Variants in PDE4B observed in about 807,000 individuals in gnomAD.
PDE4B encodes the protein 3',5'-cyclic-AMP phosphodiesterase 4B.
A neutral mutation model predicts 82.2 loss-of-function variants in PDE4B; 20 were observed. The observed-to-expected ratio is 0.24, with a 90% confidence interval of 0.17 to 0.35. The LOEUF (loss-of-function observed/expected upper bound fraction) is 0.35, where lower values mean the gene tolerates loss of function less well. Ranked by LOEUF, PDE4B falls within the 10% of genes least tolerant of loss-of-function variation. The probability of loss-of-function intolerance (pLI) is 1.00; values close to 1 mark genes in which losing one functional copy is unlikely to be tolerated. For missense variants in PDE4B, 655 were observed against 907.2 expected (o/e 0.72, Z 3.57); for synonymous variants, 320 against 318.9 (o/e 1.00, Z -0.04).
chr1:65,987,823 A>G (rs970659175), intron 3 of PDE4B, among the ~76,000 whole-genome samples: 1 of 152,182 alleles, frequency 6.6e-6, no homozygotes, highest in African/African-American at 2.4e-5. Context: ...CATGTTGGCC[A>G]GGCTAGTCCT....
At chr1:65,859,107 A>G (rs1344730637) in intron 1 of PDE4B, among the ~76,000 whole-genome samples, 2 of 152,142 alleles carry the variant, frequency 1.3e-5, no homozygotes, top group African/African-American at 2.4e-5. Flanking sequence ...AGTGCCTAGC[A>G]TTTCTCAAAC....
intron 3 of PDE4B, among the ~76,000 whole-genome samples, chr1:66,164,062 T>A (rs981850499): frequency 6.6e-6 from 1 of 152,226 alleles, no homozygotes; most frequent in Non-Finnish European, 1.5e-5. Flanking sequence ...CATTATTTCC[T>A]GATGTTACCC....
intron 1 of PDE4B, among the ~76,000 whole-genome samples, chr1:65,803,583 T>C (rs76922223): frequency 6.6e-6 from 1 of 152,214 alleles, no homozygotes; most frequent in African/African-American, 2.4e-5. Context: ...AGGCAATTTC[T>C]TGAATAATGC....
intron 1 of PDE4B, among the ~76,000 whole-genome samples, chr1:65,880,915 T>G (rs915832708): frequency 6.6e-6 from 1 of 152,118 alleles, no homozygotes; most frequent in Non-Finnish European, 1.5e-5. Flanking sequence ...TAGGCCACAG[T>G]GTTTGCAGAG....
chr1:66,073,243 T>C (rs935089177), intron 3 of PDE4B, among the ~76,000 whole-genome samples: 1 of 152,126 alleles, frequency 6.6e-6, no homozygotes, highest in African/African-American at 2.4e-5. Context: ...ACCTAGTACT[T>C]AAGAGCAATC....
intron 9 of PDE4B, among the ~76,000 whole-genome samples, chr1:66,358,380 A>C (rs570859043): frequency 1.7e-4 from 26 of 152,230 alleles, no homozygotes; most frequent in Admixed American, 9.2e-4. Context: ...TAAAAATAAA[A>C]TGTTTATTAA....
chr1:66,129,295 T>C (rs2101103685), intron 3 of PDE4B, among the ~76,000 whole-genome samples: 1 of 152,188 alleles, frequency 6.6e-6, no homozygotes, highest in East Asian at 1.9e-4. Context: ...TGGGTGGGGA[T>C]AGCATAATAG....
At chr1:66,196,658 A>G (rs1648321916) in intron 3 of PDE4B, among the ~76,000 whole-genome samples, 1 of 152,144 alleles carries the variant, frequency 6.6e-6, no homozygotes. Context: ...TGTCCTTTGT[A>G]GGGACATGGA....
intron 3 of PDE4B, among the ~76,000 whole-genome samples, chr1:66,219,583 C>T (rs568017686): frequency 1.3e-5 from 2 of 152,274 alleles, no homozygotes; most frequent in South Asian, 4.1e-4. Flanking sequence ...CCTTTGGATT[C>T]TGCACCATGT....
intron 3 of PDE4B, among the ~76,000 whole-genome samples, chr1:66,037,841 A>T (rs913825205): frequency 6.6e-6 from 1 of 152,182 alleles, no homozygotes; most frequent in African/African-American, 2.4e-5. Context: ...TCATTTTATA[A>T]AAGATTATGG....
chr1:65,879,490 T>G (rs1195044290), intron 1 of PDE4B, among the ~76,000 whole-genome samples: 2 of 152,082 alleles, frequency 1.3e-5, no homozygotes, highest in African/African-American at 2.4e-5. Context: ...AAGGTAAATA[T>G]GTATAAAATG....
chr1:66,346,774 C>G (rs1434293181), intron 8 of PDE4B, among the ~76,000 whole-genome samples: 1 of 152,164 alleles, frequency 6.6e-6, no homozygotes, highest in African/African-American at 2.4e-5. Context: ...GAGAAAGGTA[C>G]CATGAGCTCA....
chr1:65,799,342 G>C (rs1645668914), intron 1 of PDE4B, among the ~76,000 whole-genome samples: 1 of 152,114 alleles, frequency 6.6e-6, no homozygotes, highest in Non-Finnish European at 1.5e-5. Flanking sequence ...CTTCCTTTGA[G>C]AAGGCTTATT....
intron 7 of PDE4B, among the ~76,000 whole-genome samples, chr1:66,316,188 A>G (rs1304391392): frequency 6.6e-6 from 1 of 152,234 alleles, no homozygotes; most frequent in Non-Finnish European, 1.5e-5. Context: ...TGATTCAACA[A>G]TCTCAAAATG....
At chr1:65,890,622 A>G (rs1646842782) in intron 1 of PDE4B, among the ~76,000 whole-genome samples, 1 of 152,074 alleles carries the variant, frequency 6.6e-6, no homozygotes, top group South Asian at 2.1e-4. Context: ...GTCAGCTGCA[A>G]TCAGAGTTGT....
At chr1:66,091,973 T>TA (rs1645034499) in intron 3 of PDE4B, among the ~76,000 whole-genome samples, 1 of 152,050 alleles carries the variant, frequency 6.6e-6, no homozygotes, top group Non-Finnish European at 1.5e-5. Flanking sequence ...ATTTACACAA[T>TA]TAAGAGTAAA....
At chr1:66,139,748 AAAAAC>A (rs1251096269) in intron 3 of PDE4B, among the ~76,000 whole-genome samples, 4 of 149,356 alleles carry the variant, frequency 2.7e-5, no homozygotes, top group Non-Finnish European at 5.9e-5. Context: ...AAAAAAAAAA[AAAAAC>A]AAAAAACAAC....
intron 3 of PDE4B, among the ~76,000 whole-genome samples, chr1:65,983,154 G>T (rs1041314576): frequency 3.9e-5 from 6 of 152,208 alleles, no homozygotes; most frequent in Admixed American, 6.5e-5. Flanking sequence ...TCCTGTGCCT[G>T]TCCCACCATT....
chr1:66,332,676 C>T, intron 8 of PDE4B, 56 bp downstream of exon 8: 1 of 1,444,266 alleles, frequency 6.9e-7, no homozygotes, highest in Non-Finnish European at 9.6e-7. Context: ...GCTCCAGCTC[C>T]CCTCACCCCT....
Sources: gnomAD v4.1 joint callset for allele counts (sites outside exome capture counted in the v4.1 genomes callset) on GRCh38, gnomAD v4.1.1 for gene constraint, MANE v1.5 for transcripts, NCBI Gene and HGNC (gene_info 2026-07-23, HGNC 2026-07-21) for gene names.